HSPB8: variants seen among roughly 807,000 people sequenced by gnomAD.
The protein encoded by HSPB8 is heat shock protein beta-8.
In HSPB8, 9 loss-of-function variants were observed where a neutral mutation model predicts 16.5. The ratio of observed to expected loss-of-function variants is 0.55; its 90% CI spans 0.33 to 0.95. The LOEUF is 0.95. Among genes scored for constraint, HSPB8 ranks in the 40% least tolerant of loss-of-function variants. HSPB8 has a pLI of 0.03. For missense variants in HSPB8, 238 were observed against 251.2 expected (o/e 0.95, Z 0.35); for synonymous variants, 99 against 94.8 (o/e 1.04, Z -0.26).
In HSPB8 at chr12:119,194,705, T is replaced by TTA. The variant is rs1555223349; in HGVS notation, c.*848_*849dup. 3.6e-6 allele frequency: 1 copy of TTA among 280,702 alleles called. No homozygotes were observed. Among genetic ancestry groups the TTA allele is most frequent in the Non-Finnish European group, 6.4e-6 (1 of 156,024 alleles). 17.4% of individuals were successfully genotyped at this position (280,702 alleles called of 1,614,324 possible). A position where few individuals can be genotyped will look rare whatever the true frequency, so the allele number is the denominator to read the frequency against. ...TTTAGGGGTAAATAACAGTAAATAA[T>TTA]TAATAATAATAATAATAATAATAAA... On this transcript the variant is annotated 3_prime_UTR_variant, in exon 3 of 3. Coordinates refer to ENST00000281938, the MANE Select transcript of HSPB8 (RefSeq NM_014365.3).
At chr12:119,190,070 C>T (rs895360883) in intron 2 of HSPB8, among the ~76,000 whole-genome samples, 6 of 152,192 alleles carry the variant, frequency 3.9e-5, no homozygotes, top group Non-Finnish European at 7.3e-5. Context: ...ATTCCCACAT[C>T]CCTGCATGGA....
In HSPB8 at chr12:119,179,667, G is replaced by T. The variant is rs1487554004; in HGVS notation, c.355G>T (p.Val119Leu). The T allele has an allele frequency of 3.8e-6, 6 of 1,581,796 alleles. No individual in the cohort carries two copies. The highest frequency in any genetic ancestry group is 1.8e-5 in the Admixed American group (1 of 55,494). ...ELMVKTKDGY[V>L]EVSGKHEEKQ... ...GATGGTGAAGACCAAAGATGGATAC[G>T]TGGAGGTGTCTGGTAAGTCAGGGGC... is the stretch of plus-strand genomic sequence containing the variant. The change falls in exon 1 of 3, where the codon GTG becomes TTG. Residue 119 changes from valine to leucine, a missense_variant. Coordinates refer to ENST00000281938, the MANE Select transcript of HSPB8 (RefSeq NM_014365.3).
intron 2 of HSPB8, among the ~76,000 whole-genome samples, chr12:119,189,059 C>T (rs890409370): frequency 3.9e-5 from 6 of 152,188 alleles, no homozygotes; most frequent in African/African-American, 1.2e-4. Flanking sequence ...TGGACACTTC[C>T]TGATAAGGCA....
intron 2 of HSPB8, among the ~76,000 whole-genome samples, chr12:119,189,821 C>T (rs1954701540): frequency 1.3e-5 from 2 of 152,188 alleles, no homozygotes; most frequent in Non-Finnish European, 2.9e-5. Flanking sequence ...CCCTAGCCAA[C>T]CCCAGTCACT....
chr12:119,179,271 G>C lies in HSPB8; in HGVS notation c.-42G>C. 6.2e-7 allele frequency: 1 copy of C among 1,607,934 alleles called. No homozygotes were observed. The highest frequency in any genetic ancestry group is 8.5e-7 in the Non-Finnish European group (1 of 1,176,948). On this transcript the variant is annotated 5_prime_UTR_variant, in exon 1 of 3. Transcript: ENST00000281938. ...TGTGTGACCTTGGGCAGGTGGTTCT[G>C]TCTCTCTGAGCCTCTGTTTCTCTCT...
At chr12:119,185,229 A>C (rs1447996665) in intron 1 of HSPB8, among the ~76,000 whole-genome samples, 1 of 151,546 alleles carries the variant, frequency 6.6e-6, no homozygotes, top group South Asian at 2.1e-4. Flanking sequence ...ATTATAGCTT[A>C]CTGTAACCTC....
chr12:119,194,682 TA>T lies in HSPB8; in HGVS notation c.*825del. On this transcript the variant is annotated 3_prime_UTR_variant, in exon 3 of 3. Coordinates refer to ENST00000281938, the MANE Select transcript of HSPB8 (RefSeq NM_014365.3). Reference sequence around the variant, plus strand: ...TTATTATTTGAGTTATGCTGTTGTTTAGGGGTAAATAACAGTAAATAATTAA... The same window carrying T: ...TTATTATTTGAGTTATGCTGTTGTTTGGGGTAAATAACAGTAAATAATTAA... 2 of 259,106 alleles carry T rather than the reference TA, an allele frequency of 7.7e-6. No individual in the cohort carries two copies. Among genetic ancestry groups the T allele is most frequent in the Admixed American group, 1.2e-4 (2 of 17,366 alleles). 16.1% of individuals were successfully genotyped at this position (259,106 alleles called of 1,614,324 possible).
chr12:119,179,266 GT>G lies in HSPB8; in HGVS notation c.-45del, dbSNP rs1268816288. 1 of 1,603,170 alleles carries G rather than the reference GT, an allele frequency of 6.2e-7. No individual in the cohort carries two copies. The highest frequency in any genetic ancestry group is 1.7e-5 in the Admixed American group (1 of 60,020). The stretch of plus-strand genomic sequence containing the variant: ...CTTGTTGTGTGACCTTGGGCAGGTG[GT>G]TCTGTCTCTCTGAGCCTCTGTTTCT... On this transcript the variant is annotated 5_prime_UTR_variant, in exon 1 of 3. Coordinates refer to ENST00000281938, the MANE Select transcript of HSPB8 (RefSeq NM_014365.3).
At chr12:119,183,749 C>T (rs987417992) in intron 1 of HSPB8, among the ~76,000 whole-genome samples, 7 of 151,926 alleles carry the variant, frequency 4.6e-5, no homozygotes, top group African/African-American at 1.7e-4. Context: ...TAGCAACACT[C>T]TCTTTAAATG....
chr12:119,192,876 G>T (rs1157851405), intron 2 of HSPB8, among the ~76,000 whole-genome samples: 1 of 152,054 alleles, frequency 6.6e-6, no homozygotes, highest in Non-Finnish European at 1.5e-5. Context: ...GAGAGAAAAT[G>T]AGAACCAAGC....
intron 1 of HSPB8, among the ~76,000 whole-genome samples, chr12:119,180,888 C>T (rs955396434): frequency 2.3e-4 from 35 of 152,148 alleles, no homozygotes; most frequent in African/African-American, 7.7e-4. Context: ...ACATCAGAGG[C>T]TCCAGCGGGT....
At chr12:119,193,606 G>A in intron 2 of HSPB8, 93 bp from the exon 3 acceptor site, 6 of 1,366,898 alleles carry the variant, frequency 4.4e-6, no homozygotes, top group Non-Finnish European at 6.2e-6. Context: ...CAAAGCCTAA[G>A]CTCTTATCAA....
intron 2 of HSPB8, among the ~76,000 whole-genome samples, chr12:119,192,555 T>C (rs1287761612): frequency 6.6e-6 from 1 of 152,086 alleles, no homozygotes; most frequent in African/African-American, 2.4e-5. Context: ...CTCAGGAGGC[T>C]GAGGCAGGAG....
At chr12:119,186,121 G>A (rs148633771) in intron 1 of HSPB8, among the ~76,000 whole-genome samples, 29 of 152,294 alleles carry the variant, frequency 1.9e-4, no homozygotes, top group African/African-American at 6.7e-4. Flanking sequence ...ATTAGAATGT[G>A]CTATATACAT....
At chr12:119,192,041 T>C (rs1954715740) in intron 2 of HSPB8, among the ~76,000 whole-genome samples, 1 of 152,096 alleles carries the variant, frequency 6.6e-6, no homozygotes, top group African/African-American at 2.4e-5. Flanking sequence ...AGGTCATGGA[T>C]TTCATGGTTA....
intron 1 of HSPB8, among the ~76,000 whole-genome samples, chr12:119,183,850 T>C (rs1213080130): frequency 1.3e-5 from 2 of 152,160 alleles, no homozygotes; most frequent in Non-Finnish European, 2.9e-5. Context: ...ATACCCTATT[T>C]TCAGAGCAGA....
chr12:119,182,092 G>C (rs2031580848), intron 1 of HSPB8: 1 of 152,146 alleles, frequency 6.6e-6, no homozygotes, highest in Admixed American at 6.5e-5. Context: ...ATAACAGGTG[G>C]GGTCTGGCAG....
At position 119,183,932 on chromosome 12, in the gene HSPB8, C is replaced by T. The variant is rs147926990; in HGVS notation, c.368-3093C>T. On this transcript the variant is annotated intron_variant, in intron 1 of 2. Coordinates refer to ENST00000281938, the MANE Select transcript of HSPB8 (RefSeq NM_014365.3). Reference sequence around the variant, plus strand: ...AATAAACCACAAGTGTTTACCTTCACATGGTACTTTTACAACTTCCAAAGC... The same window carrying T: ...AATAAACCACAAGTGTTTACCTTCATATGGTACTTTTACAACTTCCAAAGC... 1.0e-3 allele frequency among the ~76,000 whole-genome samples: 157 copies of T among 152,338 alleles called. 1 individual carries two copies. Among genetic ancestry groups the T allele is most frequent in the African/African-American group, 3.6e-3 (150 of 41,586 alleles).
chr12:119,181,618 A>G (rs555717731), intron 1 of HSPB8, among the ~76,000 whole-genome samples: 1 of 152,268 alleles, frequency 6.6e-6, no homozygotes, highest in South Asian at 2.1e-4. Context: ...AGGAATTAGT[A>G]TTATTATTGT....
Sources: allele counts gnomAD v4.1 joint callset (sites outside exome capture counted in the v4.1 genomes callset), GRCh38; gene constraint gnomAD v4.1.1; transcripts MANE v1.5; gene names NCBI Gene and HGNC (gene_info 2026-07-23, HGNC 2026-07-21).